PTPRT: variants seen among roughly 807,000 people sequenced by gnomAD.
PTPRT encodes the protein protein tyrosine phosphatase receptor type T.
Under a neutral mutation model 176.8 loss-of-function variants are expected in PTPRT, and 56 were observed. The ratio of observed to expected loss-of-function variants is 0.32; its 90% CI spans 0.26 to 0.40. PTPRT has a LOEUF of 0.40. PTPRT is among the 10% of genes least tolerant of loss of function. The pLI, the probability that PTPRT is intolerant of heterozygous loss-of-function variation, is 1.00. For synonymous variants in PTPRT, 783 were observed against 739.0 expected, an observed-to-expected ratio of 1.06 and a Z score of -0.96; for missense variants, 1,540 against 1,908.2, an observed-to-expected ratio of 0.81 and a Z score of 3.60.
chr20:42,511,380 G>T (rs544658664), intron 7 of PTPRT, among the ~76,000 whole-genome samples: 1 of 152,232 alleles, frequency 6.6e-6, no homozygotes, highest in Non-Finnish European at 1.5e-5. Context: ...GAAGTCTAGG[G>T]GAATGGAGAC....
chr20:42,383,156 G>C (rs2058712692), intron 9 of PTPRT, among the ~76,000 whole-genome samples: 1 of 152,166 alleles, frequency 6.6e-6, no homozygotes, highest in Non-Finnish European at 1.5e-5. Flanking sequence ...AAATTTGAGT[G>C]GTTTAAAACA....
chr20:43,161,268 A>G (rs956948826), intron 1 of PTPRT, among the ~76,000 whole-genome samples: 1 of 152,160 alleles, frequency 6.6e-6, no homozygotes, highest in Non-Finnish European at 1.5e-5. Context: ...AGCACACATT[A>G]TATCTAGCTT....
At chr20:42,388,928 G>A (rs187706186) in intron 9 of PTPRT, among the ~76,000 whole-genome samples, 406 of 152,212 alleles carry the variant, frequency 2.7e-3, no homozygotes, top group African/African-American at 4.9e-3. Context: ...ATAATACACC[G>A]TGGAATACTA....
At chr20:42,155,578 C>T (rs1167562392) in intron 17 of PTPRT, among the ~76,000 whole-genome samples, 1 of 152,140 alleles carries the variant, frequency 6.6e-6, no homozygotes, top group African/African-American at 2.4e-5. Flanking sequence ...CCTAAGGTCA[C>T]CTGAATACTT....
Position 42,561,380 on chromosome 20 carries a change from G to A in PTPRT, c.1154-88818C>T, listed in dbSNP as rs189910133. Among the ~76,000 whole-genome samples, 10 of 152,302 alleles carry A rather than the reference G, an allele frequency of 6.6e-5. No individual in the cohort carries two copies. In the East Asian group the frequency reaches 1.9e-3, roughly 29 times the overall value. The stretch of plus-strand genomic sequence containing the variant: ...CAGGGAGGTGTGTTGGGTCTGAGTT[G>A]TTTCTGGATTGCAAGTGTCATTGAT... On this transcript the variant is annotated intron_variant, in intron 7 of 30. Coordinates refer to ENST00000373187, the MANE Select transcript of PTPRT (RefSeq NM_007050.6).
intron 7 of PTPRT, among the ~76,000 whole-genome samples, chr20:42,550,670 G>A (rs1381314332): frequency 6.6e-6 from 1 of 152,040 alleles, no homozygotes; most frequent in East Asian, 1.9e-4. Context: ...GCGGGGCTAA[G>A]CTGCATCCTT....
intron 10 of PTPRT, 120 bp from the exon 11 acceptor site, chr20:42,350,850 G>A (rs529763434): frequency 1.3e-6 from 1 of 741,748 alleles, no homozygotes; most frequent in South Asian, 1.8e-5. Context: ...TTAGGAAAGG[G>A]GTTGGATAAG....
At chr20:43,075,348 A>G (rs2011247769) in intron 1 of PTPRT, among the ~76,000 whole-genome samples, 1 of 152,240 alleles carries the variant, frequency 6.6e-6, no homozygotes. Flanking sequence ...TCTCCTGCGG[A>G]GATGCACACC....
intron 9 of PTPRT, among the ~76,000 whole-genome samples, chr20:42,435,659 A>G (rs1013605599): frequency 2.6e-5 from 4 of 152,238 alleles, no homozygotes; most frequent in Non-Finnish European, 4.4e-5. Flanking sequence ...ATATTAAAGA[A>G]AACCTAAATA....
At chr20:42,770,611 AAT>A (rs1288467713) in intron 5 of PTPRT, among the ~76,000 whole-genome samples, 1 of 152,198 alleles carries the variant, frequency 6.6e-6, no homozygotes, top group African/African-American at 2.4e-5. Context: ...TTAACCAAAG[AAT>A]AGACAGATTG....
At chr20:42,729,276 G>T (rs2076425340) in intron 6 of PTPRT, among the ~76,000 whole-genome samples, 1 of 152,078 alleles carries the variant, frequency 6.6e-6, no homozygotes, top group African/African-American at 2.4e-5. Context: ...CAGGGGGGTC[G>T]GTCTAGCGGA....
intron 9 of PTPRT, among the ~76,000 whole-genome samples, chr20:42,389,138 AG>A (rs2058774541): frequency 1.8e-5 from 2 of 109,278 alleles, no homozygotes; most frequent in African/African-American, 7.0e-5. Flanking sequence ...GGGTGAGGGG[AG>A]GGGGGAGGGA....
Position 42,073,436 on chromosome 20 carries a change from C to T in PTPRT, c.*7443G>A. On this transcript the variant is annotated 3_prime_UTR_variant, in exon 31 of 31. Transcript: ENST00000373187. ...ACTGTGCTTTTGCTTTTGCAGTGTG[C>T]TCCAACAGGCCTTGAATAGGGAGTG... The T allele has an allele frequency of 5.1e-6, 1 of 197,836 alleles. No homozygotes were observed. Among genetic ancestry groups the T allele is most frequent in the Non-Finnish European group, 1.1e-5 (1 of 95,094 alleles). 12.3% of individuals were successfully genotyped at this position (197,836 alleles called of 1,614,324 possible).
At chr20:42,484,889 T>C (rs932717925) in intron 7 of PTPRT, among the ~76,000 whole-genome samples, 4 of 152,170 alleles carry the variant, frequency 2.6e-5, no homozygotes, top group African/African-American at 9.7e-5. Context: ...AGAAATCTGA[T>C]GTCCTCCTAG....
At chr20:42,141,258 TA>T (rs1163660061) in intron 18 of PTPRT, among the ~76,000 whole-genome samples, 6 of 152,304 alleles carry the variant, frequency 3.9e-5, no homozygotes, top group Admixed American at 3.9e-4. Flanking sequence ...TGTGTTGCCC[TA>T]AACTCTGTCT....
chr20:42,283,439 T>C, intron 12 of PTPRT, among the ~76,000 whole-genome samples: 1 of 152,124 alleles, frequency 6.6e-6, no homozygotes, highest in East Asian at 1.9e-4. Context: ...CATTGCATCT[T>C]GAAGGGATTG....
At chr20:42,675,046 AAC>A (rs2075477110) in intron 7 of PTPRT, among the ~76,000 whole-genome samples, 1 of 152,200 alleles carries the variant, frequency 6.6e-6, no homozygotes, top group Non-Finnish European at 1.5e-5. Flanking sequence ...GAATACATGC[AAC>A]ACACACAGTT....
At chr20:42,941,711 T>C (rs140841016) in intron 1 of PTPRT, among the ~76,000 whole-genome samples, 1 of 152,162 alleles carries the variant, frequency 6.6e-6, no homozygotes, top group Admixed American at 6.5e-5. Flanking sequence ...AAGAGAGAGA[T>C]GGGACTTCAA....
chr20:42,430,019 T>A (rs371194229), intron 9 of PTPRT, among the ~76,000 whole-genome samples: 1 of 152,228 alleles, frequency 6.6e-6, no homozygotes, highest in South Asian at 2.1e-4. Context: ...TTAGGTTTTA[T>A]CCTCAGAGCT....
Sources: allele counts gnomAD v4.1 joint callset (sites outside exome capture counted in the v4.1 genomes callset), GRCh38; gene constraint gnomAD v4.1.1; transcripts MANE v1.5; gene names NCBI Gene and HGNC (gene_info 2026-07-23, HGNC 2026-07-21).